TRPM3: variants seen among roughly 807,000 people sequenced by gnomAD.
TRPM3 encodes long transient receptor potential channel 3.
TRPM3 carries 77 observed loss-of-function variants against 181.2 expected under a neutral mutation model. The ratio of observed to expected loss-of-function variants is 0.42; its 90% CI spans 0.35 to 0.51. The LOEUF (loss-of-function observed/expected upper bound fraction) is 0.51. Among genes scored for constraint, TRPM3 ranks in the 20% least tolerant of loss-of-function variants. TRPM3 has a pLI of 0.01. For missense variants in TRPM3, 1,759 were observed against 2,196.7 expected, an observed-to-expected ratio of 0.80 and a Z score of 3.98; for synonymous variants, 745 against 796.4, an observed-to-expected ratio of 0.94 and a Z score of 1.09.
intron 1 of TRPM3, among the ~76,000 whole-genome samples, chr9:71,378,556 T>A (rs1161593190): frequency 9.9e-5 from 15 of 152,072 alleles, no homozygotes; most frequent in Non-Finnish European, 2.2e-4. Flanking sequence ...GAACACCTAA[T>A]AAATCACAGA....
At chr9:70,541,045 CCTG>C (rs1485244285) in intron 25 of TRPM3, among the ~76,000 whole-genome samples, 4 of 152,132 alleles carry the variant, frequency 2.6e-5, no homozygotes, top group Non-Finnish European at 5.9e-5. Context: ...AGAATCAGAA[CCTG>C]GTTGCCTGGA....
At position 70,901,503 on chromosome 9, in the gene TRPM3, T is replaced by A. The variant is rs191466061; in HGVS notation, c.178-36992A>T. 1.6e-4 allele frequency among the ~76,000 whole-genome samples: 24 copies of A among 152,278 alleles called. No individual in the cohort carries two copies. The East Asian group carries it at 4.6e-3, about 29-fold the overall frequency. ...CTTTGGTCATCAGCATAACAGACTTTGTATCCATGGTGGTAAAACATTTTA... is the reference window on the plus strand; with the variant it reads ...CTTTGGTCATCAGCATAACAGACTTAGTATCCATGGTGGTAAAACATTTTA... On this transcript the variant is annotated intron_variant, in intron 1 of 25. Coordinates refer to ENST00000677713, the MANE Select transcript of TRPM3 (RefSeq NM_001366145.2).
At chr9:70,931,029 A>C (rs569907545) in intron 1 of TRPM3, among the ~76,000 whole-genome samples, 1 of 152,090 alleles carries the variant, frequency 6.6e-6, no homozygotes, top group Non-Finnish European at 1.5e-5. Flanking sequence ...ATTTTTCTCT[A>C]AAGAGTGGCT....
At chr9:70,986,444 C>A (rs964985013) in intron 1 of TRPM3, among the ~76,000 whole-genome samples, 1 of 152,096 alleles carries the variant, frequency 6.6e-6, no homozygotes, top group African/African-American at 2.4e-5. Flanking sequence ...AACTTGGTTG[C>A]ATGTAATCAT....
At chr9:71,340,170 G>A (rs2090858321) in intron 1 of TRPM3, among the ~76,000 whole-genome samples, 3 of 152,174 alleles carry the variant, frequency 2.0e-5, no homozygotes, top group Admixed American at 2.0e-4. Flanking sequence ...GAAATGCATT[G>A]CAGACAATGA....
Position 70,911,619 on chromosome 9 carries a change from C to T in TRPM3, c.178-47108G>A, listed in dbSNP as rs56259929. On this transcript the variant is annotated intron_variant, in intron 1 of 25. Coordinates refer to ENST00000677713, the MANE Select transcript of TRPM3 (RefSeq NM_001366145.2). ...TATATTCTTTATCAATGAACATCAC[C>T]ATCATGAATTTATTAGTGATTAAAA... Among the ~76,000 whole-genome samples, 666 of 152,250 alleles carry T rather than the reference C, an allele frequency of 4.4e-3. 2 individuals carry two copies. The highest frequency in any genetic ancestry group is 0.015 in the African/African-American group (639 of 41,546).
chr9:70,843,173 C>G, intron 4 of TRPM3, 46 bp from the exon 5 acceptor site: 1 of 1,573,514 alleles, frequency 6.4e-7, no homozygotes, highest in Non-Finnish European at 8.6e-7. Flanking sequence ...AAAGCAAATA[C>G]CTTTTCATCA....
chr9:71,007,039 CAAAAAAAAAAAAAAAA>C (rs59442017), intron 1 of TRPM3, among the ~76,000 whole-genome samples: 1 of 27,972 alleles, frequency 3.6e-5, no homozygotes, highest in African/African-American at 1.5e-4. Context: ...AACTCCATCT[CAAAAAAAAAAAAAAAA>C]AAAAAAAAGA....
intron 1 of TRPM3, among the ~76,000 whole-genome samples, chr9:71,102,741 TCTA>T (rs2068636254): frequency 6.6e-6 from 1 of 152,224 alleles, no homozygotes; most frequent in Non-Finnish European, 1.5e-5. Context: ...GGTATGTTCT[TCTA>T]CTACATTTTT....
chr9:70,551,607 C>T (rs1221600725), intron 24 of TRPM3, among the ~76,000 whole-genome samples: 2 of 152,184 alleles, frequency 1.3e-5, no homozygotes, highest in Non-Finnish European at 2.9e-5. Context: ...TTCCTAAGCT[C>T]TCTGGATAAG....
At chr9:71,187,199 A>G (rs189061358) in intron 1 of TRPM3, among the ~76,000 whole-genome samples, 2 of 152,126 alleles carry the variant, frequency 1.3e-5, no homozygotes, top group African/African-American at 4.8e-5. Flanking sequence ...AGTTCATTTA[A>G]ATTAAATTAT....
Position 70,535,762 on chromosome 9 carries a change from A to C in TRPM3, c.*191T>G. 1 of 1,465,630 alleles carries C rather than the reference A, an allele frequency of 6.8e-7. No individual in the cohort carries two copies. The highest frequency in any genetic ancestry group is 9.0e-7 in the Non-Finnish European group (1 of 1,117,296). The allele number at this position is 1,465,630 out of a possible 1,614,324, so 90.8% of individuals were successfully genotyped here. Reference sequence around the variant, plus strand: ...ATGCCTTAAATCCCCTGTGTCTGGCACTGGGTCAGATCAAATGCTTTCTTG... The same window carrying C: ...ATGCCTTAAATCCCCTGTGTCTGGCCCTGGGTCAGATCAAATGCTTTCTTG... On this transcript the variant is annotated 3_prime_UTR_variant, in exon 26 of 26. Coordinates refer to ENST00000677713, the MANE Select transcript of TRPM3 (RefSeq NM_001366145.2).
At chr9:70,901,280 A>C (rs997348854) in intron 1 of TRPM3, among the ~76,000 whole-genome samples, 5 of 152,204 alleles carry the variant, frequency 3.3e-5, no homozygotes, top group African/African-American at 1.2e-4. Flanking sequence ...CAAGTAGATT[A>C]ATGGCCTTTT....
intron 1 of TRPM3, among the ~76,000 whole-genome samples, chr9:71,307,540 A>G (rs1448969306): frequency 6.6e-6 from 1 of 152,158 alleles, no homozygotes; most frequent in African/African-American, 2.4e-5. Context: ...CATTTGAAAT[A>G]ATTTATTTTT....
At chr9:70,930,256 A>G (rs1199938443) in intron 1 of TRPM3, among the ~76,000 whole-genome samples, 1 of 152,204 alleles carries the variant, frequency 6.6e-6, no homozygotes, top group Non-Finnish European at 1.5e-5. Context: ...TTACACTAAG[A>G]GCATGCAGTA....
intron 1 of TRPM3, among the ~76,000 whole-genome samples, chr9:71,340,486 C>CA: frequency 6.6e-6 from 1 of 152,106 alleles, no homozygotes; most frequent in South Asian, 2.1e-4. Flanking sequence ...GTGAATAAGT[C>CA]TCACGAGATC....
At chr9:71,010,471 A>G (rs2134358162) in intron 1 of TRPM3, among the ~76,000 whole-genome samples, 1 of 152,264 alleles carries the variant, frequency 6.6e-6, no homozygotes, top group East Asian at 1.9e-4. Context: ...CTGACTAGAC[A>G]TATCTGAAAA....
At chr9:70,967,435 T>G (rs1246889252) in intron 1 of TRPM3, among the ~76,000 whole-genome samples, 1 of 152,086 alleles carries the variant, frequency 6.6e-6, no homozygotes. Context: ...AAAAAGCCCA[T>G]GCATACAGTG....
intron 9 of TRPM3, among the ~76,000 whole-genome samples, chr9:70,659,664 T>A (rs2060838385): frequency 6.6e-6 from 1 of 152,168 alleles, no homozygotes; most frequent in Admixed American, 6.5e-5. Flanking sequence ...TAGTCTTGTC[T>A]AATGTTTTTC....
Sources: gnomAD v4.1 joint callset for allele counts (sites outside exome capture counted in the v4.1 genomes callset) on GRCh38, gnomAD v4.1.1 for gene constraint, MANE v1.5 for transcripts, NCBI Gene and HGNC (gene_info 2026-07-23, HGNC 2026-07-21) for gene names.